The following LRRK1 variants were observed in gnomAD, a reference collection of about 807,000 sequenced individuals.
LRRK1 encodes leucine rich repeat kinase 1, also known as leucine-rich repeat serine/threonine-protein kinase 1.
LRRK1 carries 113 observed loss-of-function variants against 209.1 expected under a neutral mutation model. The ratio of observed to expected loss-of-function variants is 0.54; its 90% confidence interval spans 0.46 to 0.63. The LOEUF (loss-of-function observed/expected upper bound fraction) is 0.63, where lower values mean the gene tolerates loss of function less well. LRRK1 is among the 30% of genes least tolerant of loss of function. LRRK1 has a pLI of 0.00. For missense variants in LRRK1, 2,284 were observed against 2,632.2 expected (o/e 0.87, Z 2.89); for synonymous variants, 1,144 against 1,099.7 (o/e 1.04, Z -0.80).
At chr15:100,968,745 T>C (rs2030653930) in intron 2 of LRRK1, among the ~76,000 whole-genome samples, 1 of 150,346 alleles carries the variant, frequency 6.7e-6, no homozygotes, top group Admixed American at 6.6e-5. Context: ...TCCCTTTTCC[T>C]TTCTTTCTTT....
At chr15:100,967,455 G>A (rs1261294740) in intron 2 of LRRK1, among the ~76,000 whole-genome samples, 1 of 151,448 alleles carries the variant, frequency 6.6e-6, no homozygotes, top group African/African-American at 2.4e-5. Flanking sequence ...ATGGCTTAGC[G>A]TGAGTTGTAA....
chr15:101,065,664 T>G lies in LRRK1; in HGVS notation c.5227T>G (p.Ser1743Ala). The G allele has an allele frequency of 6.2e-7, 1 of 1,614,092 alleles. No homozygotes were observed. Among genetic ancestry groups the G allele is most frequent in the Non-Finnish European group, 8.5e-7 (1 of 1,180,022 alleles). Residue 1743 changes from serine to alanine, a missense_variant, in exon 32 of 34, where the codon TCT becomes GCT. Coordinates refer to ENST00000388948, the MANE Select transcript of LRRK1 (RefSeq NM_024652.6). ...CATGGTTACGTCAGTCGTGTGCAGC[T>G]CTGAGGGCAGAGGGGAGGAGGTCGT... ...PSMVTSVVCS[S>A]EGRGEEVVWC...
rs1243911858 is a variant in LRRK1, at chr15:100,919,612, G to A, written c.-123+161G>A. Among the ~76,000 whole-genome samples, 3 of 149,776 alleles carry A rather than the reference G, an allele frequency of 2.0e-5. No individual in the cohort carries two copies. The highest frequency in any genetic ancestry group is 6.6e-5 in the Admixed American group (1 of 15,068). ...GCCGCGTGGTCGGGCACGGGGGGCC[G>A]TTGCGCAGGGGCCGCGGCCCGAGGG... On this transcript the variant is annotated intron_variant, in intron 1 of 33. Coordinates refer to ENST00000388948, the MANE Select transcript of LRRK1 (RefSeq NM_024652.6). This position sits in a 1 kb window ranked among gnomAD's most constrained non-coding sequence, Gnocchi z 5.8.
At chr15:101,020,199 C>T (rs2033712744) in intron 12 of LRRK1, among the ~76,000 whole-genome samples, 1 of 152,100 alleles carries the variant, frequency 6.6e-6, no homozygotes, top group African/African-American at 2.4e-5. Context: ...GAGTTCAGTG[C>T]ATCTCTGGTA....
chr15:100,992,694 G>A (rs1221882663), intron 6 of LRRK1, among the ~76,000 whole-genome samples: 1 of 152,094 alleles, frequency 6.6e-6, no homozygotes. Context: ...TTGAGATGGA[G>A]TTTCACTCTT....
At chr15:100,972,656 T>C (rs2030996441) in intron 2 of LRRK1, among the ~76,000 whole-genome samples, 1 of 152,112 alleles carries the variant, frequency 6.6e-6, no homozygotes, top group South Asian at 2.1e-4. Flanking sequence ...TTTGGAGTCA[T>C]GTTATATGCC....
At chr15:101,049,145 T>A (rs998227855) in intron 22 of LRRK1, among the ~76,000 whole-genome samples, 33 of 152,198 alleles carry the variant, frequency 2.2e-4, no homozygotes, top group Admixed American at 1.2e-3. Context: ...AGACCTAAAG[T>A]CAGCCCAACA....
At chr15:101,020,301 G>C (rs1335018682) in intron 12 of LRRK1, among the ~76,000 whole-genome samples, 1 of 151,070 alleles carries the variant, frequency 6.6e-6, no homozygotes, top group Non-Finnish European at 1.5e-5. Context: ...TGGTATGCGT[G>C]TGTGTGCATG....
At chr15:100,968,232 C>T (rs566256140) in intron 2 of LRRK1, among the ~76,000 whole-genome samples, 26 of 152,082 alleles carry the variant, frequency 1.7e-4, no homozygotes, top group African/African-American at 6.0e-4. Flanking sequence ...TACTGTACCA[C>T]GGTTTGTTTA....
Position 100,988,747 on chromosome 15 carries a change from T to C in LRRK1, c.547T>C (p.Tyr183His). ...GACGCACGGGGCTGACCCGGAGAGCTACGCTGTCAGGAAGAATGAGTTCCC... is the reference window on the plus strand; with the variant it reads ...GACGCACGGGGCTGACCCGGAGAGCCACGCTGTCAGGAAGAATGAGTTCCC... ...VLTHGADPES[Y>H]AVRKNEFPVI... The change falls in exon 5 of 34, where the codon TAC becomes CAC. Residue 183 changes from tyrosine (Y) to histidine (H), a missense_variant. By Grantham distance (83) the Tyr-to-His change is moderately conservative. Coordinates refer to ENST00000388948, the MANE Select transcript of LRRK1 (RefSeq NM_024652.6). The C allele has an allele frequency of 6.2e-7, 1 of 1,613,930 alleles. No homozygotes were observed. Among genetic ancestry groups the C allele is most frequent in the South Asian group, 1.1e-5 (1 of 91,076 alleles).
chr15:101,021,526 A>G (rs778341002), intron 13 of LRRK1, among the ~76,000 whole-genome samples: 3 of 152,134 alleles, frequency 2.0e-5, no homozygotes, highest in Non-Finnish European at 4.4e-5. Flanking sequence ...ATGTTATATT[A>G]ATATTAAAGG....
intron 4 of LRRK1, among the ~76,000 whole-genome samples, chr15:100,986,610 A>G (rs929604044): frequency 6.6e-6 from 1 of 152,254 alleles, no homozygotes; most frequent in Non-Finnish European, 1.5e-5. Flanking sequence ...AGCAGCCCGA[A>G]GAAGCTAGAG....
At chr15:101,057,961 G>A (rs751156101) in intron 28 of LRRK1, 29 bp from the exon 29 acceptor site, 6 of 1,613,218 alleles carry the variant, frequency 3.7e-6, no homozygotes, top group African/African-American at 1.3e-5. Flanking sequence ...AAGTGACCTT[G>A]CTCTCTTCTG....
intron 15 of LRRK1, among the ~76,000 whole-genome samples, chr15:101,023,651 C>T (rs2033895783): frequency 1.3e-5 from 2 of 152,212 alleles, no homozygotes; most frequent in African/African-American, 4.8e-5. Flanking sequence ...CCATGATTTT[C>T]CCCCAAAGCT....
intron 23 of LRRK1, 38 bp downstream of exon 23, chr15:101,049,821 T>C (rs759361370): frequency 1.3e-5 from 20 of 1,589,644 alleles, no homozygotes; most frequent in Non-Finnish European, 1.6e-5. Context: ...TCATTCATGC[T>C]AATATTTCTT....
At chr15:100,970,180 G>T (rs377049348) in intron 2 of LRRK1, among the ~76,000 whole-genome samples, 10 of 152,134 alleles carry the variant, frequency 6.6e-5, no homozygotes, top group African/African-American at 1.2e-4. Context: ...ATGGGCCACC[G>T]CATGAGCCAC....
chr15:101,031,880 G>A (rs901971334), intron 20 of LRRK1, among the ~76,000 whole-genome samples: 4 of 152,104 alleles, frequency 2.6e-5, no homozygotes, highest in Admixed American at 2.6e-4. Context: ...GACTACAGGC[G>A]CCCACCACCG....
Position 101,037,690 on chromosome 15 carries a change from T to A in LRRK1, c.2964-8291T>A, listed in dbSNP as rs551221478. 3.3e-5 allele frequency among the ~76,000 whole-genome samples: 5 copies of A among 152,262 alleles called. 1 individual carries two copies. Among genetic ancestry groups the A allele is most frequent in the African/African-American group, 1.2e-4 (5 of 41,560 alleles). ...AGCCTTTAAGGTGGTAGCCTATGCCTCACTCACACCTCAGCCCCAGGGGTA... is the reference window on the plus strand; with the variant it reads ...AGCCTTTAAGGTGGTAGCCTATGCCACACTCACACCTCAGCCCCAGGGGTA... On this transcript the variant is annotated intron_variant, in intron 20 of 33. Transcript: ENST00000388948.
At chr15:101,026,218 C>T in intron 17 of LRRK1, 81 bp downstream of exon 17, 3 of 1,408,908 alleles carry the variant, frequency 2.1e-6, no homozygotes, top group Non-Finnish European at 3.0e-6. Context: ...TTGCAGAGAG[C>T]TCCTGAGTCT....
Sources: allele counts gnomAD v4.1 joint callset (sites outside exome capture counted in the v4.1 genomes callset), GRCh38; gene constraint gnomAD v4.1.1; non-coding constraint Gnocchi (gnomAD v3.1); transcripts MANE v1.5; gene names NCBI Gene and HGNC (gene_info 2026-07-23, HGNC 2026-07-21).